Variants in IQANK1 observed in about 807,000 individuals in gnomAD.
The protein encoded by IQANK1 is IQ motif and ankyrin repeat containing 1, also known as IQ motif and ankyrin repeat domain-containing protein 1.
A neutral mutation model predicts 22.6 loss-of-function variants in IQANK1; 30 were observed. That is an observed-to-expected ratio of 1.33 (90% CI 0.99 to 1.80). The LOEUF (loss-of-function observed/expected upper bound fraction) is 1.80. IQANK1 is among the 40% of genes most tolerant of loss of function. The pLI is 0.00. For synonymous variants in IQANK1, 122 were observed against 99.6 expected, an observed-to-expected ratio of 1.23 and a Z score of -1.34; for missense variants, 275 against 235.2, an observed-to-expected ratio of 1.17 and a Z score of -1.11.
chr8:143,773,862 C>T (rs1417723900), intron 7 of IQANK1, among the ~76,000 whole-genome samples: 1 of 152,068 alleles, frequency 6.6e-6, no homozygotes, highest in African/African-American at 2.4e-5. Flanking sequence ...GTCAGGGGTG[C>T]TGGGGTGTCC....
chr8:143,790,378 C>T lies in IQANK1; in HGVS notation c.1453C>T (p.Arg485Ter), dbSNP rs576331030. The change falls in exon 14 of 14, where the codon CGA becomes TGA. Residue 485 changes from arginine to a stop codon, truncating the protein, a stop_gained. Transcript: ENST00000527139. LOFTEE classifies it low-confidence loss of function (END_TRUNC). The part of the protein sequence containing the change: ...RYGKPLVFDL[R>*]EEDLFPVVQR... ...TGGGAAGCCGCTGGTGTTCGACCTG[C>T]GAGAGGAAGACCTGTTCCCAGTCGT... 6.0e-6 allele frequency: 6 copies of T among 1,003,624 alleles called. No individual in the cohort carries two copies. The highest frequency in any genetic ancestry group is 8.5e-5 in the Admixed American group (2 of 23,450). The allele number at this position is 1,003,624 out of a possible 1,614,324, so 62.2% of individuals were successfully genotyped here. A position where few individuals can be genotyped will look rare whatever the true frequency, so the allele number is the denominator to read the frequency against.
At chr8:143,764,039 G>T (rs1819442157) in intron 3 of IQANK1, among the ~76,000 whole-genome samples, 2 of 152,140 alleles carry the variant, frequency 1.3e-5, no homozygotes, top group South Asian at 4.1e-4. Context: ...GGAATAGAAG[G>T]ATGATTCTCC....
rs558701024 is a variant in IQANK1 at position 143,762,361 on chromosome 8, G to C, written c.176-9127G>C. On this transcript the variant is annotated intron_variant, in intron 3 of 13. Transcript: ENST00000527139. ...GGGAGGGAAAAGAAAAGAAAAGAAA[G>C]TTTGAGGACCACAGTGTAGACGGCT... Among the ~76,000 whole-genome samples, 8 of 149,000 alleles carry C rather than the reference G, an allele frequency of 5.4e-5. 1 individual carries two copies. The South Asian group carries it at 1.5e-3, about 27-fold the overall frequency.
At chr8:143,747,910 G>GTCCTT (rs71318621) in intron 3 of IQANK1, among the ~76,000 whole-genome samples, 12,993 of 106,024 alleles carry the variant, frequency 0.12, 1,080 homozygotes, top group East Asian at 0.18. Flanking sequence ...ATTGTGTTAA[G>GTCCTT]TCCTTTCCTT....
chr8:143,783,171 T>C (rs530919836), intron 7 of IQANK1, among the ~76,000 whole-genome samples: 3 of 152,348 alleles, frequency 2.0e-5, no homozygotes, highest in African/African-American at 7.2e-5. Flanking sequence ...TGTGCACAGT[T>C]TTCCAAAATG....
intron 7 of IQANK1, among the ~76,000 whole-genome samples, chr8:143,786,814 AG>A (rs1819897840): frequency 6.6e-6 from 1 of 152,166 alleles, no homozygotes; most frequent in African/African-American, 2.4e-5. Flanking sequence ...GGAGGGAATG[AG>A]GGCTGTGAAC....
chr8:143,769,995 C>T (rs918134655), intron 3 of IQANK1, among the ~76,000 whole-genome samples: 1 of 152,104 alleles, frequency 6.6e-6, no homozygotes, highest in Admixed American at 6.5e-5. Context: ...CCCAGCTACT[C>T]GGAGGCTGAG....
rs535848694 is a variant in IQANK1, at chr8:143,757,598, A to G, written c.176-13890A>G. On this transcript the variant is annotated intron_variant, in intron 3 of 13. Coordinates refer to ENST00000527139, the MANE Select transcript of IQANK1 (RefSeq NM_001381874.1). ...ATGATCCGCCTGCCTTGGCCTCCCA[A>G]AGTGCTGGGATTACAGGCATGAGCC... is the stretch of plus-strand genomic sequence containing the variant. Among the ~76,000 whole-genome samples the G allele has an allele frequency of 3.9e-5, 6 of 152,220 alleles. No individual in the cohort carries two copies. In the East Asian group the frequency reaches 9.7e-4, roughly 24 times the overall value.
intron 3 of IQANK1, chr8:143,744,851 A>G (rs1818996338): frequency 6.6e-6 from 1 of 152,270 alleles, no homozygotes; most frequent in African/African-American, 2.4e-5. Context: ...CCCAATAAAC[A>G]GGGCAGACCT....
At chr8:143,742,368 G>A in intron 3 of IQANK1, 1 of 455,946 alleles carries the variant, frequency 2.2e-6, no homozygotes, top group Non-Finnish European at 4.4e-6. Flanking sequence ...TGCGGGGGAG[G>A]TCAGGCTGGA....
intron 3 of IQANK1, among the ~76,000 whole-genome samples, chr8:143,748,509 A>G (rs541354701): frequency 1.4e-5 from 2 of 139,406 alleles, no homozygotes; most frequent in African/African-American, 5.3e-5. Context: ...ATGATATATA[A>G]TATATAAATA....
At chr8:143,753,589 G>T (rs571936516) in intron 3 of IQANK1, among the ~76,000 whole-genome samples, 1 of 151,708 alleles carries the variant, frequency 6.6e-6, no homozygotes, top group Non-Finnish European at 1.5e-5. Flanking sequence ...AAGTAGCTGA[G>T]ATTACAGGTA....
At chr8:143,782,088 T>C (rs1554630969) in intron 7 of IQANK1, among the ~76,000 whole-genome samples, 3 of 152,198 alleles carry the variant, frequency 2.0e-5, no homozygotes, top group Admixed American at 6.5e-5. Flanking sequence ...GTGAATGGGA[T>C]TGCCTTTCTG....
rs1554628643 is a variant in IQANK1, at chr8:143,758,491, A to G, written c.176-12997A>G. 6.6e-6 allele frequency: 1 copy of G among 152,286 alleles called. No homozygotes were observed. The highest frequency in any genetic ancestry group is 1.5e-5 in the Non-Finnish European group (1 of 68,134). 9.4% of individuals were successfully genotyped at this position (152,286 alleles called of 1,614,324 possible). A position where few individuals can be genotyped will look rare whatever the true frequency, so the allele number is the denominator to read the frequency against. ...AAAGAAAAAAAAAAGAAGATGAAAC[A>G]TTTTATCTGGGTGAAGGGATGATTT... On this transcript the variant is annotated intron_variant, in intron 3 of 13. Transcript: ENST00000527139. The surrounding 1 kb of genome is among the most constrained non-coding windows in gnomAD (Gnocchi z 4.2).
chr8:143,739,595 TG>T lies in IQANK1; in HGVS notation c.86-261del, dbSNP rs529257912. The T allele has an allele frequency of 5.0e-4, 195 of 391,440 alleles. 1 individual carries two copies. In the East Asian group the frequency reaches 5.0e-3, roughly 10 times the overall value. 24.2% of individuals were successfully genotyped at this position (391,440 alleles called of 1,614,324 possible). A position where few individuals can be genotyped will look rare whatever the true frequency, so the allele number is the denominator to read the frequency against. The stretch of plus-strand genomic sequence containing the variant: ...AGCAGAGGCACCACCTGCCCATCCT[TG>T]GGCCCACAAGAGCCCAGGTGCCTTC... On this transcript the variant is annotated intron_variant, in intron 2 of 13. Coordinates refer to ENST00000527139, the MANE Select transcript of IQANK1 (RefSeq NM_001381874.1).
At chr8:143,750,664 A>T (rs1204824419) in intron 3 of IQANK1, among the ~76,000 whole-genome samples, 2 of 152,022 alleles carry the variant, frequency 1.3e-5, no homozygotes, top group African/African-American at 4.8e-5. Flanking sequence ...TCTACAGAAA[A>T]TTAGCCAGGC....
intron 3 of IQANK1, among the ~76,000 whole-genome samples, chr8:143,765,547 C>G (rs572312727): frequency 5.9e-5 from 9 of 152,264 alleles, no homozygotes; most frequent in African/African-American, 2.2e-4. Flanking sequence ...CTGGGAAATG[C>G]CTGTTCATCT....
At chr8:143,736,006 C>T (rs1284232911) in intron 2 of IQANK1, 68 bp downstream of exon 2, 10 of 695,280 alleles carry the variant, frequency 1.4e-5, no homozygotes, top group Non-Finnish European at 2.1e-5. Context: ...TTCTATGTAG[C>T]CACCGAGAGA....
intron 2 of IQANK1, among the ~76,000 whole-genome samples, chr8:143,738,325 G>A (rs574845358): frequency 5.9e-5 from 9 of 152,198 alleles, no homozygotes; most frequent in Admixed American, 1.3e-4. Context: ...CTCAGAGGGC[G>A]TCCCTGGAGG....
Sources: allele counts gnomAD v4.1 joint callset (sites outside exome capture counted in the v4.1 genomes callset), GRCh38; gene constraint gnomAD v4.1.1; non-coding constraint Gnocchi (gnomAD v3.1); transcripts MANE v1.5; gene names NCBI Gene and HGNC (gene_info 2026-07-23, HGNC 2026-07-21).